The following DLC1 variants were observed in gnomAD, a reference collection of about 807,000 sequenced individuals.
DLC1 encodes the protein DLC1 Rho GTPase activating protein, also known as rho GTPase-activating protein 7.
DLC1 carries 54 observed loss-of-function variants against 140.3 expected under a neutral mutation model. The ratio of observed to expected loss-of-function variants is 0.38; its 90% confidence interval spans 0.31 to 0.48. The LOEUF is 0.48. Among genes scored for constraint, DLC1 ranks in the 20% least tolerant of loss-of-function variants. DLC1 has a pLI of 0.96. For missense variants in DLC1, 2,536 were observed against 1,907.0 expected, an observed-to-expected ratio of 1.33 and a Z score of -6.14; for synonymous variants, 986 against 728.1, an observed-to-expected ratio of 1.35 and a Z score of -5.70.
intron 5 of DLC1, among the ~76,000 whole-genome samples, chr8:13,167,299 C>T (rs1825172061): frequency 6.6e-6 from 1 of 152,146 alleles, no homozygotes; most frequent in South Asian, 2.1e-4. Flanking sequence ...AGTCTAACTG[C>T]CCTTTCTGAA....
intron 5 of DLC1, among the ~76,000 whole-genome samples, chr8:13,259,917 A>G (rs1292984369): frequency 6.6e-6 from 1 of 152,202 alleles, no homozygotes; most frequent in Non-Finnish European, 1.5e-5. Context: ...AAAAATCAGT[A>G]AGTGCTATAA....
chr8:13,458,631 T>A (rs1799522684), intron 2 of DLC1, among the ~76,000 whole-genome samples: 1 of 152,226 alleles, frequency 6.6e-6, no homozygotes, highest in African/African-American at 2.4e-5. Context: ...ACTACAATTA[T>A]GAAATCACAA....
chr8:13,382,614 T>C (rs576207561), intron 4 of DLC1, among the ~76,000 whole-genome samples: 120 of 151,946 alleles, frequency 7.9e-4, no homozygotes, highest in Non-Finnish European at 1.4e-3. Context: ...AAACTTTGTT[T>C]CTTCACAGCC....
chr8:13,139,773 G>A (rs554414381), intron 5 of DLC1, among the ~76,000 whole-genome samples: 1 of 152,302 alleles, frequency 6.6e-6, no homozygotes, highest in African/African-American at 2.4e-5. Context: ...TGATTCTTTC[G>A]TGTGTCCCCT....
chr8:13,260,854 T>G (rs902487012), intron 5 of DLC1, among the ~76,000 whole-genome samples: 32 of 152,224 alleles, frequency 2.1e-4, no homozygotes, highest in African/African-American at 7.2e-4. Context: ...AAATGTGAGA[T>G]AGATGCTTTG....
intron 1 of DLC1, among the ~76,000 whole-genome samples, chr8:13,534,640 C>T (rs79453574): frequency 0.041 from 6,284 of 152,148 alleles, 396 homozygotes; most frequent in African/African-American, 0.14. Context: ...CGCCACTGCT[C>T]CTGCTGACCA....
Position 13,293,722 on chromosome 8 carries a change from C to G in DLC1, c.1348+11547G>C, listed in dbSNP as rs535933265. ...CATAATAAATATACCAACAAAGTGC[C>G]ACTTTCAGCTGCAGAGACCTGGGAA... On this transcript the variant is annotated intron_variant, in intron 5 of 17. Coordinates refer to ENST00000276297, the MANE Select transcript of DLC1 (RefSeq NM_182643.3). Among the ~76,000 whole-genome samples the G allele has an allele frequency of 5.2e-3, 797 of 152,232 alleles. 8 individuals are homozygous for G. Among genetic ancestry groups the G allele is most frequent in the African/African-American group, 0.018 (763 of 41,538 alleles).
intron 2 of DLC1, among the ~76,000 whole-genome samples, chr8:13,411,641 A>G (rs909651555): frequency 6.6e-5 from 10 of 152,214 alleles, no homozygotes; most frequent in African/African-American, 2.2e-4. Flanking sequence ...GAGGGCATAT[A>G]AAACATTCTG....
intron 5 of DLC1, among the ~76,000 whole-genome samples, chr8:13,122,410 T>A (rs1444921361): frequency 6.6e-6 from 1 of 152,118 alleles, no homozygotes; most frequent in Non-Finnish European, 1.5e-5. Flanking sequence ...CACCAACTTC[T>A]CACTTTTTAA....
At chr8:13,349,194 A>C (rs1834516912) in intron 4 of DLC1, among the ~76,000 whole-genome samples, 1 of 152,110 alleles carries the variant, frequency 6.6e-6, no homozygotes, top group Non-Finnish European at 1.5e-5. Flanking sequence ...ATATCAGTGC[A>C]ATACCATTAA....
At chr8:13,504,519 C>T (rs951060754) in intron 1 of DLC1, among the ~76,000 whole-genome samples, 1 of 152,182 alleles carries the variant, frequency 6.6e-6, no homozygotes, top group African/African-American at 2.4e-5. Flanking sequence ...GAAGGGAACT[C>T]ATGAGGATGC....
intron 5 of DLC1, among the ~76,000 whole-genome samples, chr8:13,302,453 A>G (rs1052031080): frequency 6.6e-6 from 1 of 152,220 alleles, no homozygotes; most frequent in Non-Finnish European, 1.5e-5. Context: ...GCAGGAGACA[A>G]GCAGCAGAAA....
At chr8:13,238,419 A>AGGCG (rs1563189033) in intron 5 of DLC1, among the ~76,000 whole-genome samples, 1 of 151,722 alleles carries the variant, frequency 6.6e-6, no homozygotes, top group Non-Finnish European at 1.5e-5. Flanking sequence ...GAGGTGAGGC[A>AGGCG]GGAGAATCAT....
At chr8:13,116,443 T>C (rs536553336) in intron 5 of DLC1, among the ~76,000 whole-genome samples, 1 of 152,190 alleles carries the variant, frequency 6.6e-6, no homozygotes, top group Non-Finnish European at 1.5e-5. Context: ...TTAGTGTCTC[T>C]GCTTGCACAA....
intron 5 of DLC1, among the ~76,000 whole-genome samples, chr8:13,143,318 C>G (rs1365805338): frequency 6.6e-6 from 1 of 152,190 alleles, no homozygotes; most frequent in Non-Finnish European, 1.5e-5. Flanking sequence ...AAATCTTTGG[C>G]AACCCTTTCA....
At chr8:13,453,438 GTATA>G (rs1198851489) in intron 2 of DLC1, among the ~76,000 whole-genome samples, 1 of 16,766 alleles carries the variant, frequency 6.0e-5, no homozygotes, top group African/African-American at 3.7e-4. Context: ...ATATATATAT[GTATA>G]TATATACATA....
chr8:13,564,940 C>T (rs780822399), intron 1 of DLC1, among the ~76,000 whole-genome samples: 17 of 152,154 alleles, frequency 1.1e-4, no homozygotes, highest in African/African-American at 2.2e-4. Flanking sequence ...CAGCTTGGTC[C>T]ACAAAGCATT....
At chr8:13,120,224 T>G (rs1031216770) in intron 5 of DLC1, among the ~76,000 whole-genome samples, 2 of 150,362 alleles carry the variant, frequency 1.3e-5, no homozygotes, top group Non-Finnish European at 3.0e-5. Context: ...GTGCCTGTAG[T>G]CCCAGCTACG....
At chr8:13,165,202 A>C (rs562152107) in intron 5 of DLC1, among the ~76,000 whole-genome samples, 1 of 152,322 alleles carries the variant, frequency 6.6e-6, no homozygotes, top group South Asian at 2.1e-4. Context: ...CTGAAATTCA[A>C]ATTTCACTGG....
Sources: gnomAD v4.1 joint callset for allele counts (sites outside exome capture counted in the v4.1 genomes callset) on GRCh38, gnomAD v4.1.1 for gene constraint, MANE v1.5 for transcripts, NCBI Gene and HGNC (gene_info 2026-07-23, HGNC 2026-07-21) for gene names.